The following DENND5B variants were observed in gnomAD, a reference collection of about 807,000 sequenced individuals.
The protein encoded by DENND5B is DENN domain-containing protein 5B.
In DENND5B, 34 loss-of-function variants were observed where a neutral mutation model predicts 140.6. The ratio of observed to expected loss-of-function variants is 0.24; its 90% confidence interval spans 0.18 to 0.32. The LOEUF (loss-of-function observed/expected upper bound fraction) is 0.32, where lower values mean the gene tolerates loss of function less well. Among genes scored for constraint, DENND5B ranks in the 10% least tolerant of loss-of-function variants. The probability of loss-of-function intolerance (pLI) is 1.00; values close to 1 mark genes in which losing one functional copy is unlikely to be tolerated. For missense variants in DENND5B, 1,142 were observed against 1,560.2 expected (o/e 0.73, Z 4.52); for synonymous variants, 551 against 562.1 (o/e 0.98, Z 0.28).
intron 6 of DENND5B, among the ~76,000 whole-genome samples, chr12:31,446,834 C>G (rs1383707442): frequency 6.6e-6 from 1 of 150,744 alleles, no homozygotes; most frequent in Non-Finnish European, 1.5e-5. Flanking sequence ...TTGCAGTGAG[C>G]CAAGATGGCG....
chr12:31,512,061 C>T (rs1421939318), intron 1 of DENND5B, among the ~76,000 whole-genome samples: 1 of 150,442 alleles, frequency 6.6e-6, no homozygotes, highest in Admixed American at 6.7e-5. Flanking sequence ...GGATTACAGG[C>T]ACGTGCCACC....
intron 7 of DENND5B, among the ~76,000 whole-genome samples, chr12:31,437,071 A>G (rs1162300554): frequency 2.6e-5 from 4 of 151,904 alleles, no homozygotes; most frequent in Admixed American, 2.0e-4. Context: ...TTTCTATAAA[A>G]TCTCCTCTAG....
chr12:31,518,316 T>A (rs1248729609), intron 1 of DENND5B, among the ~76,000 whole-genome samples: 1 of 152,234 alleles, frequency 6.6e-6, no homozygotes, highest in Non-Finnish European at 1.5e-5. Context: ...CCTCTCTCAT[T>A]GTTTACATTA....
chr12:31,566,835 T>C (rs1181653924), intron 1 of DENND5B, among the ~76,000 whole-genome samples: 1 of 152,192 alleles, frequency 6.6e-6, no homozygotes, highest in Admixed American at 6.5e-5. Flanking sequence ...ATACAGCTAA[T>C]TGGTAAACAT....
chr12:31,403,654 T>C (rs1274000074), intron 14 of DENND5B, among the ~76,000 whole-genome samples: 1 of 149,198 alleles, frequency 6.7e-6, no homozygotes, highest in Non-Finnish European at 1.5e-5. Flanking sequence ...TCCTAGCACT[T>C]TGGGAGGCCG....
At chr12:31,494,531 GC>G (rs1203495529) in intron 2 of DENND5B, among the ~76,000 whole-genome samples, 3 of 152,094 alleles carry the variant, frequency 2.0e-5, no homozygotes, top group African/African-American at 7.2e-5. Context: ...AGGACCAGTG[GC>G]TACTCCCTTT....
At chr12:31,441,839 C>A (rs1016260917) in intron 7 of DENND5B, among the ~76,000 whole-genome samples, 1 of 151,878 alleles carries the variant, frequency 6.6e-6, no homozygotes, top group African/African-American at 2.4e-5. Flanking sequence ...CATCACCATG[C>A]CCAGATAATT....
intron 2 of DENND5B, among the ~76,000 whole-genome samples, chr12:31,483,023 G>A (rs868686858): frequency 2.0e-5 from 3 of 152,284 alleles, no homozygotes; most frequent in Admixed American, 6.5e-5. Flanking sequence ...ACAATGGCAC[G>A]TTACTGTTCT....
chr12:31,457,772 G>C (rs550340843), intron 4 of DENND5B, among the ~76,000 whole-genome samples: 3 of 150,660 alleles, frequency 2.0e-5, no homozygotes, highest in Admixed American at 6.6e-5. Flanking sequence ...GGAGTGCAGT[G>C]ATGCGATCTT....
rs141412381 is a variant in DENND5B, at chr12:31,545,925, T to C, written c.127+44781A>G. Among the ~76,000 whole-genome samples the C allele has an allele frequency of 2.9e-4, 30 of 105,240 alleles. 1 individual carries two copies. In the East Asian group the frequency reaches 7.8e-3, roughly 27 times the overall value. The allele number at this position is 105,240 out of a possible 152,430, so 69.0% of individuals were successfully genotyped here. On this transcript the variant is annotated intron_variant, in intron 1 of 20. Coordinates refer to ENST00000389082, the MANE Select transcript of DENND5B (RefSeq NM_144973.4). ...AGGATCACAACACTGCACTCCAGTA[T>C]GGGTGAGAGAGTAAGACACTGTCTC... is the stretch of plus-strand genomic sequence containing the variant.
intron 18 of DENND5B, 95 bp from the exon 19 acceptor site, chr12:31,392,488 A>G: frequency 1.3e-6 from 2 of 1,565,526 alleles, no homozygotes; most frequent in South Asian, 1.2e-5. Flanking sequence ...AGCTATATGA[A>G]GCATGTTTTT....
intron 3 of DENND5B, among the ~76,000 whole-genome samples, chr12:31,469,893 C>T (rs1591853861): frequency 1.3e-5 from 2 of 152,064 alleles, no homozygotes; most frequent in Admixed American, 1.3e-4. Flanking sequence ...AGATGCTTCC[C>T]AAGGCCCTCA....
intron 18 of DENND5B, 65 bp downstream of exon 18, chr12:31,392,549 C>T (rs962457619): frequency 1.8e-5 from 27 of 1,520,878 alleles, no homozygotes; most frequent in Admixed American, 2.2e-5. Flanking sequence ...CATATTGCCT[C>T]GTGTATCACA....
chr12:31,402,825 CA>C (rs1941878316), intron 14 of DENND5B, among the ~76,000 whole-genome samples, 182 bp from the exon 15 acceptor site: 1 of 152,024 alleles, frequency 6.6e-6, no homozygotes, highest in Admixed American at 6.6e-5. Context: ...ATCTAGTTTG[CA>C]AACCAGAAGT....
chr12:31,416,221 T>C (rs897505912), intron 11 of DENND5B, among the ~76,000 whole-genome samples: 1 of 152,098 alleles, frequency 6.6e-6, no homozygotes, highest in African/African-American at 2.4e-5. Context: ...AACAATGCAA[T>C]GTGTACAAAT....
chr12:31,445,825 T>C (rs1442208378), intron 6 of DENND5B, among the ~76,000 whole-genome samples: 2 of 151,878 alleles, frequency 1.3e-5, no homozygotes, highest in Non-Finnish European at 2.9e-5. Flanking sequence ...CTGAGCAACA[T>C]GGTGAAACCC....
At chr12:31,389,593 G>T in intron 19 of DENND5B, 95 bp from the exon 20 acceptor site, 2 of 1,235,524 alleles carry the variant, frequency 1.6e-6, no homozygotes, top group South Asian at 1.5e-5. Context: ...CACTAACGAT[G>T]CTTTGCATAC....
chr12:31,555,620 G>C (rs2139285787), intron 1 of DENND5B, among the ~76,000 whole-genome samples: 1 of 152,352 alleles, frequency 6.6e-6, no homozygotes, highest in Non-Finnish European at 1.5e-5. Flanking sequence ...GGTTACTGCT[G>C]TCTTTTTGTC....
chr12:31,463,128 A>ACATGCCTG (rs1945098398), intron 3 of DENND5B, among the ~76,000 whole-genome samples: 1 of 152,098 alleles, frequency 6.6e-6, no homozygotes. Context: ...GCATAGTGGC[A>ACATGCCTG]CATGCCTGTA....
Sources: gnomAD v4.1 joint callset for allele counts (sites outside exome capture counted in the v4.1 genomes callset) on GRCh38, gnomAD v4.1.1 for gene constraint, MANE v1.5 for transcripts, NCBI Gene and HGNC (gene_info 2026-07-23, HGNC 2026-07-21) for gene names.